Variants in NBAS observed in about 807,000 individuals in gnomAD.
The protein encoded by NBAS is NAG/BC035112 fusion.
A neutral mutation model predicts 302.5 loss-of-function variants in NBAS; 219 were observed. The ratio of observed to expected loss-of-function variants is 0.72; its 90% CI spans 0.65 to 0.81. The LOEUF is 0.81. Ranked by LOEUF, NBAS falls within the 30% of genes least tolerant of loss-of-function variation. The probability of loss-of-function intolerance (pLI) is 0.00; values close to 1 mark genes in which losing one functional copy is unlikely to be tolerated. For missense variants in NBAS, 2,932 were observed against 2,841.6 expected (o/e 1.03, Z -0.72); for synonymous variants, 1,118 against 1,021.6 (o/e 1.09, Z -1.80).
intron 38 of NBAS, among the ~76,000 whole-genome samples, chr2:15,310,403 C>A (rs974904195): frequency 1.3e-5 from 2 of 152,160 alleles, no homozygotes; most frequent in Non-Finnish European, 2.9e-5. Context: ...AGCCTCAGCT[C>A]CTGCAAGGAA....
chr2:15,439,953 G>T (rs1290322818), intron 21 of NBAS, among the ~76,000 whole-genome samples: 1 of 152,278 alleles, frequency 6.6e-6, no homozygotes, highest in Non-Finnish European at 1.5e-5. Context: ...GAGGCTGGGG[G>T]AGGGGCAACC....
the NBAS span, among the ~76,000 whole-genome samples, chr2:15,156,813 G>A: frequency 1.3e-5 from 2 of 152,192 alleles, no homozygotes; most frequent in South Asian, 4.1e-4. Flanking sequence ...CACAGACCCT[G>A]TGCCAGGCAC....
chr2:15,401,419 A>G (rs1295681571), intron 26 of NBAS, among the ~76,000 whole-genome samples: 1 of 152,144 alleles, frequency 6.6e-6, no homozygotes, highest in Non-Finnish European at 1.5e-5. Flanking sequence ...GAGCAAAGAG[A>G]AAGAGAAAAC....
intron 41 of NBAS, among the ~76,000 whole-genome samples, chr2:15,291,177 G>C (rs2148108360): frequency 6.6e-6 from 1 of 152,340 alleles, no homozygotes; most frequent in Admixed American, 6.5e-5. Context: ...GGTTGTAGGG[G>C]AGGCCTGTGG....
the NBAS span, among the ~76,000 whole-genome samples, chr2:14,914,775 G>T: frequency 2.0e-5 from 3 of 152,206 alleles, no homozygotes; most frequent in Non-Finnish European, 2.9e-5. Context: ...ACTTCCCTGA[G>T]ATAAGCGATT....
intron 41 of NBAS, among the ~76,000 whole-genome samples, chr2:15,290,571 G>GC (rs941609580): frequency 7.9e-5 from 12 of 152,218 alleles, no homozygotes; most frequent in Non-Finnish European, 1.8e-4. Context: ...CGTGAACATG[G>GC]CACCAAGGAT....
intron 6 of NBAS, among the ~76,000 whole-genome samples, chr2:15,548,099 T>C (rs1234020882): frequency 6.6e-6 from 1 of 152,222 alleles, no homozygotes; most frequent in African/African-American, 2.4e-5. Context: ...ATGTACACTT[T>C]TGTGAATTTC....
rs1447885110 is a variant in NBAS at position 15,292,744 on chromosome 2, T to C, written c.4820A>G (p.Lys1607Arg). The C allele has an allele frequency of 6.2e-7, 1 of 1,614,202 alleles. No individual in the cohort carries two copies. Among genetic ancestry groups the C allele is most frequent in the South Asian group, 1.1e-5 (1 of 91,080 alleles). The change falls in exon 41 of 52, where the codon AAG (lysine) becomes AGG (arginine). Residue 1607 changes from lysine to arginine, a missense_variant. Transcript: ENST00000281513. ...TCGAGTCACATGCCTGGTGACCATC[T>C]TGATTAGTTCTTTGGGATCAGCCTA... The part of the protein sequence containing the change: ...LYRADPKELI[K>R]MVTRHVTRHE...
intron 47 of NBAS, among the ~76,000 whole-genome samples, chr2:15,231,965 T>C (rs1667400282): frequency 6.6e-6 from 1 of 152,182 alleles, no homozygotes; most frequent in Non-Finnish European, 1.5e-5. Context: ...GAGATACACA[T>C]CTTTCTAGGC....
intron 42 of NBAS, among the ~76,000 whole-genome samples, chr2:15,277,864 C>G (rs1456868503): frequency 2.6e-5 from 4 of 152,114 alleles, no homozygotes; most frequent in Non-Finnish European, 1.5e-5. Context: ...GTGCTTCTCC[C>G]TGGACAGAAT....
At chr2:15,356,225 G>T in intron 33 of NBAS, 78 bp downstream of exon 33, 1 of 1,239,736 alleles carries the variant, frequency 8.1e-7, no homozygotes, top group Non-Finnish European at 1.2e-6. Flanking sequence ...CAGGTCAATT[G>T]ATTTCAGAAC....
At chr2:15,414,876 C>T (rs1230349679) in intron 25 of NBAS, among the ~76,000 whole-genome samples, 1 of 152,034 alleles carries the variant, frequency 6.6e-6, no homozygotes, top group African/African-American at 2.4e-5. Context: ...GCCCGGAAGA[C>T]GGAGGTTGCA....
chr2:14,784,279 C>A, the NBAS span, among the ~76,000 whole-genome samples: 1 of 152,158 alleles, frequency 6.6e-6, no homozygotes, highest in East Asian at 1.9e-4. Context: ...CCTGTTCACT[C>A]TGATGGTAGT....
At chr2:15,395,161 G>C (rs1448971980) in intron 27 of NBAS, among the ~76,000 whole-genome samples, 1 of 152,102 alleles carries the variant, frequency 6.6e-6, no homozygotes, top group Non-Finnish European at 1.5e-5. Context: ...AGGGTGTTAA[G>C]TGTTTCCTTG....
the NBAS span, among the ~76,000 whole-genome samples, chr2:15,040,406 A>G: frequency 6.6e-6 from 1 of 152,228 alleles, no homozygotes; most frequent in South Asian, 2.1e-4. Flanking sequence ...TGATCAAAGA[A>G]GTCTTGGCTG....
At chr2:15,459,503 C>CTTTTTTTTTTTTT (rs66914120) in intron 21 of NBAS, among the ~76,000 whole-genome samples, 4 of 141,386 alleles carry the variant, frequency 2.8e-5, no homozygotes, top group Non-Finnish European at 4.6e-5. Flanking sequence ...AGCATTTTTT[C>CTTTTTTTTTTTTT]TTTTTTTTTG....
At chr2:14,975,852 G>A in the NBAS span, among the ~76,000 whole-genome samples, 3 of 152,052 alleles carry the variant, frequency 2.0e-5, no homozygotes, top group Non-Finnish European at 2.9e-5. Flanking sequence ...CCCAAAAGAA[G>A]GCTAATTTTT....
chr2:15,129,283 A>G, the NBAS span, among the ~76,000 whole-genome samples: 4 of 152,296 alleles, frequency 2.6e-5, 1 homozygote, highest in African/African-American at 9.6e-5. Context: ...TGATCACTCA[A>G]CCACCAAGCT....
Position 15,319,011 on chromosome 2 carries a change from C to T in NBAS, c.4582+8739G>A, listed in dbSNP as rs372954878. On this transcript the variant is annotated intron_variant, in intron 38 of 51. Coordinates refer to ENST00000281513, the MANE Select transcript of NBAS (RefSeq NM_015909.4). ...ACATAATTGGAAGTAAAACACTCCT[C>T]AGCAAACGTAAAAGAACAGAAATCA... is the stretch of plus-strand genomic sequence containing the variant. Among the ~76,000 whole-genome samples, 190 of 152,280 alleles carry T rather than the reference C, an allele frequency of 1.2e-3. No individual in the cohort carries two copies. The South Asian group carries it at 0.016, about 13-fold the overall frequency.
Sources: allele counts gnomAD v4.1 joint callset (sites outside exome capture counted in the v4.1 genomes callset), GRCh38; gene constraint gnomAD v4.1.1; transcripts MANE v1.5; gene names NCBI Gene and HGNC (gene_info 2026-07-23, HGNC 2026-07-21).